The following DNAH6 variants were observed in gnomAD, a reference collection of about 807,000 sequenced individuals.
DNAH6 encodes the protein axonemal beta dynein heavy chain 6.
DNAH6 carries 340 observed loss-of-function variants against 491.4 expected under a neutral mutation model. The ratio of observed to expected loss-of-function variants is 0.69; its 90% CI spans 0.63 to 0.76. The LOEUF (loss-of-function observed/expected upper bound fraction) is 0.76. DNAH6 is among the 30% of genes least tolerant of loss of function. The pLI is 0.00. For missense variants in DNAH6, 4,443 were observed against 4,972.2 expected (o/e 0.89, Z 3.20); for synonymous variants, 1,603 against 1,686.1 (o/e 0.95, Z 1.21).
Position 84,659,049 on chromosome 2 carries a change from A to G in DNAH6, c.5964A>G (p.Ile1988Met). The change falls in exon 37 of 77, where the codon ATA becomes ATG. Residue 1988 changes from isoleucine (I) to methionine (M), a missense_variant. Physicochemically the swap from Ile to Met is conservative, Grantham distance 10. Transcript: ENST00000389394. Reference protein sequence around the residue: ...LAMEQTKLNTILCQTFVFCYL... With the variant: ...LAMEQTKLNTMLCQTFVFCYL... Reference sequence around the variant, plus strand: ...AGGAACAAACAAAATTGAACACTATACTATGTCAGACTTTTGTATTCTGTT... The same window carrying G: ...AGGAACAAACAAAATTGAACACTATGCTATGTCAGACTTTTGTATTCTGTT... 6.8e-7 allele frequency: 1 copy of G among 1,462,294 alleles called. No individual in the cohort carries two copies. Among genetic ancestry groups the G allele is most frequent in the South Asian group, 1.3e-5 (1 of 78,972 alleles). 90.6% of individuals were successfully genotyped at this position (1,462,294 alleles called of 1,614,324 possible). A position where few individuals can be genotyped will look rare whatever the true frequency, so the allele number is the denominator to read the frequency against.
At chr2:84,680,906 G>A (rs1461428790) in intron 41 of DNAH6, among the ~76,000 whole-genome samples, 1 of 152,154 alleles carries the variant, frequency 6.6e-6, no homozygotes, top group Non-Finnish European at 1.5e-5. Context: ...CAGCTACTGA[G>A]ATGGGGAAGC....
intron 11 of DNAH6, among the ~76,000 whole-genome samples, chr2:84,560,200 A>G (rs1680498407): frequency 6.6e-6 from 1 of 152,146 alleles, no homozygotes; most frequent in African/African-American, 2.4e-5. Context: ...AAAATTACCC[A>G]CAACAATCAA....
chr2:84,818,493 A>T (rs1303019967), intron 76 of DNAH6, among the ~76,000 whole-genome samples: 1 of 133,238 alleles, frequency 7.5e-6, no homozygotes, highest in African/African-American at 3.8e-5. Context: ...TCAAAAAAAA[A>T]AAAAAAAAAA....
In DNAH6 at chr2:84,710,260, TGTTCTGCTCTG is replaced by T; in HGVS notation, c.9253-26_9253-16del. On this transcript the variant is annotated splice_polypyrimidine_tract_variant and intron_variant, in intron 55 of 76. Coordinates refer to ENST00000389394, the MANE Select transcript of DNAH6 (RefSeq NM_001370.2). ...GCCATTTATTATGCTCTGAAGCAAATGTTCTGCTCTGTGCTTTTCCAAACAGGCAAACCGTT... is the reference window on the plus strand; with the variant it reads ...GCCATTTATTATGCTCTGAAGCAAATTGCTTTTCCAAACAGGCAAACCGTT... 6.5e-7 allele frequency: 1 copy of T among 1,542,230 alleles called. No homozygotes were observed. Among genetic ancestry groups the T allele is most frequent in the South Asian group, 1.2e-5 (1 of 82,408 alleles).
intron 45 of DNAH6, among the ~76,000 whole-genome samples, chr2:84,689,163 T>G (rs1439697819): frequency 6.6e-6 from 1 of 152,204 alleles, no homozygotes; most frequent in African/African-American, 2.4e-5. Flanking sequence ...AACATCTGCC[T>G]CCTGTGCTTC....
chr2:84,570,531 T>G (rs769143332), intron 11 of DNAH6, among the ~76,000 whole-genome samples: 8 of 152,162 alleles, frequency 5.3e-5, no homozygotes, highest in Non-Finnish European at 1.2e-4. Context: ...CAGTCAGCAC[T>G]CTGTGAAAAT....
chr2:84,472,056 A>G, the DNAH6 span, among the ~76,000 whole-genome samples: 1 of 152,104 alleles, frequency 6.6e-6, no homozygotes, highest in Non-Finnish European at 1.5e-5. Flanking sequence ...TCCACCATAT[A>G]TCTTGTCCAG....
intron 42 of DNAH6, among the ~76,000 whole-genome samples, chr2:84,683,700 G>A (rs948171760): frequency 1.3e-5 from 2 of 152,042 alleles, no homozygotes; most frequent in African/African-American, 4.8e-5. Flanking sequence ...TGGGATTACA[G>A]GTGTGAGCCA....
At chr2:84,755,896 C>G (rs552294232) in intron 63 of DNAH6, among the ~76,000 whole-genome samples, 1 of 152,094 alleles carries the variant, frequency 6.6e-6, no homozygotes, top group Non-Finnish European at 1.5e-5. Context: ...AAATCTTTCC[C>G]GTGCTGTTCT....
chr2:84,774,381 C>A (rs1210371886), intron 64 of DNAH6, among the ~76,000 whole-genome samples: 1 of 151,924 alleles, frequency 6.6e-6, no homozygotes, highest in Non-Finnish European at 1.5e-5. Flanking sequence ...TGTAGGTGTG[C>A]AGCTTTATTT....
chr2:84,681,412 C>G lies in DNAH6; in HGVS notation c.6800C>G (p.Ser2267Ter). 6.4e-7 allele frequency: 1 copy of G among 1,551,600 alleles called. No individual in the cohort carries two copies. The highest frequency in any genetic ancestry group is 2.4e-5 in the East Asian group (1 of 40,920). ...CCACCAGCTGTAAAGCAAACTGCAT[C>G]AAGCATTGTAGAAGCCTCAGTTGAG... ...DFPPAVKQTA[S>*]SIVEASVEIY... Residue 2267 changes from serine (S) to a stop codon, truncating the protein, a stop_gained, in exon 42 of 77, where the codon TCA (serine) becomes TGA (stop). Transcript: ENST00000389394. LOFTEE classifies it high-confidence loss of function.
chr2:84,659,785 C>G (rs1224529896), intron 37 of DNAH6, among the ~76,000 whole-genome samples: 9 of 152,018 alleles, frequency 5.9e-5, no homozygotes, highest in Non-Finnish European at 1.3e-4. Context: ...AGTTTGAGAC[C>G]AGCCTGTGCA....
rs766879122 is a variant in DNAH6, at chr2:84,611,779, G to A, written c.3400G>A (p.Val1134Met). The change falls in exon 22 of 77, where the codon GTG (valine) becomes ATG (methionine). Residue 1134 changes from valine (V) to methionine (M), a missense_variant. Around this residue, in one of 3 missense-constraint regions of DNAH6, gnomAD observed 2,977 missense variants for 3,296.6 expected, o/e 0.90. Coordinates refer to ENST00000389394, the MANE Select transcript of DNAH6 (RefSeq NM_001370.2). ...TGCAGAGGCCAAGATGTTCCTTCAGGTGGATAAGTCATGGAAAGAAATCAT... is the reference window on the plus strand; with the variant it reads ...TGCAGAGGCCAAGATGTTCCTTCAGATGGATAAGTCATGGAAAGAAATCAT... The part of the protein sequence containing the change: ...LPAEAKMFLQ[V>M]DKSWKEIMRK... 2.6e-6 allele frequency: 4 copies of A among 1,551,270 alleles called. 1 individual carries two copies. The highest frequency in any genetic ancestry group is 3.3e-4 in the Middle Eastern group (2 of 5,992).
At chr2:84,764,756 ATAT>A (rs1402984357) in intron 64 of DNAH6, among the ~76,000 whole-genome samples, 1 of 152,154 alleles carries the variant, frequency 6.6e-6, no homozygotes, top group East Asian at 1.9e-4. Context: ...TGCAAAGAAC[ATAT>A]TATTCTTTTT....
chr2:84,499,503 T>C, the DNAH6 span, among the ~76,000 whole-genome samples: 1 of 152,234 alleles, frequency 6.6e-6, no homozygotes, highest in African/African-American at 2.4e-5. Flanking sequence ...GGAACAAACA[T>C]AGGAGTACAG....
At chr2:84,818,155 A>G (rs1680671117) in intron 76 of DNAH6, among the ~76,000 whole-genome samples, 1 of 152,214 alleles carries the variant, frequency 6.6e-6, no homozygotes, top group Admixed American at 6.5e-5. Flanking sequence ...TCAGCTATTT[A>G]AAAGAGGGGT....
Position 84,658,330 on chromosome 2 carries a change from C to G in DNAH6, c.5796C>G (p.Phe1932Leu). 1 of 1,541,092 alleles carries G rather than the reference C, an allele frequency of 6.5e-7. No homozygotes were observed. Among genetic ancestry groups the G allele is most frequent in the Non-Finnish European group, 8.8e-7 (1 of 1,142,608 alleles). Residue 1932 changes from phenylalanine to leucine, a missense_variant, in exon 36 of 77, where the codon TTC (phenylalanine) becomes TTG (leucine). Physicochemically the swap from Phe to Leu is conservative, Grantham distance 22. Around this residue, in one of 3 missense-constraint regions of DNAH6, gnomAD observed 2,977 missense variants for 3,296.6 expected, o/e 0.90. Coordinates refer to ENST00000389394, the MANE Select transcript of DNAH6 (RefSeq NM_001370.2). ...EETQEYILNL[F>L]QRYVDEGLHF... ...CCCAAGAATATATATTGAATCTTTT[C>G]CAACGTTATGTTGATGAAGGTTTAC...
At chr2:84,727,125 C>A in intron 60 of DNAH6, among the ~76,000 whole-genome samples, 1 of 152,152 alleles carries the variant, frequency 6.6e-6, no homozygotes, top group East Asian at 1.9e-4. Context: ...CCCCAAAATG[C>A]AGAGTTTATC....
the DNAH6 span, among the ~76,000 whole-genome samples, chr2:84,487,350 C>T: frequency 8.7e-3 from 1,325 of 152,292 alleles, 7 homozygotes; most frequent in Middle Eastern, 0.044. Context: ...CTGAATGCCT[C>T]AAATCCAGGC....
Sources: gnomAD v4.1 joint callset for allele counts (sites outside exome capture counted in the v4.1 genomes callset) on GRCh38, gnomAD v4.1.1 for gene constraint, gnomAD v4.1.1 regional missense constraint, MANE v1.5 for transcripts, NCBI Gene and HGNC (gene_info 2026-07-23, HGNC 2026-07-21) for gene names.